Variants in SLC8A1 observed in about 807,000 individuals in gnomAD.
SLC8A1 encodes the protein sodium/calcium exchanger 1.
Under a neutral mutation model 68.3 loss-of-function variants are expected in SLC8A1, and 18 were observed. The observed-to-expected ratio is 0.26, with a 90% CI of 0.18 to 0.39. SLC8A1 has a LOEUF of 0.39. Ranked by LOEUF, SLC8A1 falls within the 10% of genes least tolerant of loss-of-function variation. SLC8A1 has a pLI of 1.00. For synonymous variants in SLC8A1, 475 were observed against 415.5 expected (o/e 1.14, Z -1.74); for missense variants, 985 against 1,156.7 (o/e 0.85, Z 2.15).
intron 1 of SLC8A1, among the ~76,000 whole-genome samples, chr2:40,471,740 A>T (rs759253867): frequency 1.3e-5 from 2 of 152,224 alleles, no homozygotes; most frequent in African/African-American, 2.4e-5. Context: ...AATTGCAATA[A>T]ATGGAAACAA....
upstream of SLC8A1, among the ~76,000 whole-genome samples, chr2:40,455,723 G>C (rs897147221): frequency 3.3e-5 from 5 of 152,162 alleles, no homozygotes; most frequent in African/African-American, 1.2e-4. Context: ...AGAATTCTTT[G>C]TTGACTTCTA....
intron 2 of SLC8A1, among the ~76,000 whole-genome samples, chr2:40,339,750 G>A (rs1337101477): frequency 6.6e-6 from 1 of 152,182 alleles, no homozygotes; most frequent in Middle Eastern, 3.2e-3. Context: ...GTTGGGCATT[G>A]TGAAATACTT....
chr2:40,484,049 G>T (rs968072890), intron 1 of SLC8A1, among the ~76,000 whole-genome samples: 1 of 152,128 alleles, frequency 6.6e-6, no homozygotes, highest in African/African-American at 2.4e-5. Flanking sequence ...CTGTTAAAAA[G>T]GTTCCAATGC....
chr2:40,423,265 T>G (rs768469383), intron 2 of SLC8A1, among the ~76,000 whole-genome samples: 2 of 152,242 alleles, frequency 1.3e-5, no homozygotes, highest in East Asian at 1.9e-4. Flanking sequence ...TTTTAAATTA[T>G]GCTTTTGTCC....
rs150644264 is a variant in SLC8A1 at position 40,150,683 on chromosome 2, G to A, written c.2161+10082C>T. ...GAATCATTCTAGAGCCCTTCAATAC[G>A]GTGTTTTCCTCAAGATTTTATAATA... On this transcript the variant is annotated intron_variant, in intron 6 of 7. Coordinates refer to ENST00000406785, the Ensembl canonical transcript of SLC8A1. Among the ~76,000 whole-genome samples the A allele has an allele frequency of 3.0e-4, 45 of 152,218 alleles. 1 individual carries two copies. Among genetic ancestry groups the A allele is most frequent in the Non-Finnish European group, 5.1e-4 (35 of 68,024 alleles).
chr2:40,135,586 T>C (rs2006287), intron 7 of SLC8A1, among the ~76,000 whole-genome samples: 59,447 of 151,842 alleles, frequency 0.39, 11,891 homozygotes, highest in East Asian at 0.61. Context: ...GGCATGGTGG[T>C]ATGTGCCTGT....
chr2:40,437,976 T>A (rs1317754261), intron 1 of SLC8A1, among the ~76,000 whole-genome samples: 1 of 152,080 alleles, frequency 6.6e-6, no homozygotes, highest in African/African-American at 2.4e-5. Flanking sequence ...GAGAAGAGAC[T>A]TTCCTGGCAT....
chr2:40,292,908 G>A (rs1282094789), intron 2 of SLC8A1, among the ~76,000 whole-genome samples: 4 of 152,106 alleles, frequency 2.6e-5, no homozygotes, highest in Admixed American at 2.0e-4. Flanking sequence ...TAGAGAATAC[G>A]CATTTGGAAA....
rs77484844 is a variant in SLC8A1 at position 40,224,838 on chromosome 2, T to C, written c.1809-46983A>G. Among the ~76,000 whole-genome samples, 39 of 152,198 alleles carry C rather than the reference T, an allele frequency of 2.6e-4. No individual in the cohort carries two copies. In the East Asian group the frequency reaches 5.0e-3, roughly 20 times the overall value. On this transcript the variant is annotated intron_variant, in intron 2 of 7. Coordinates refer to ENST00000406785, the Ensembl canonical transcript of SLC8A1. ...AATCTACAAACAACTTAAACAAATT[T>C]ACAAGGAAAAAACAACCCCATCAAA...
intron 2 of SLC8A1, among the ~76,000 whole-genome samples, chr2:40,206,895 T>C (rs2055558841): frequency 6.6e-6 from 1 of 152,068 alleles, no homozygotes; most frequent in African/African-American, 2.4e-5. Flanking sequence ...TTGTAAATGA[T>C]CATAATGGCA....
At chr2:40,122,204 G>GCA (rs1235493658) in intron 7 of SLC8A1, among the ~76,000 whole-genome samples, 4 of 109,974 alleles carry the variant, frequency 3.6e-5, no homozygotes, top group Admixed American at 1.0e-4. Flanking sequence ...GCATGCGCGC[G>GCA]CGCACACACA....
At chr2:40,402,422 T>G (rs1689030997) in intron 2 of SLC8A1, among the ~76,000 whole-genome samples, 1 of 152,224 alleles carries the variant, frequency 6.6e-6, no homozygotes, top group African/African-American at 2.4e-5. Flanking sequence ...CAGCCCATGC[T>G]GCTGCTCTGA....
intron 2 of SLC8A1, among the ~76,000 whole-genome samples, chr2:40,249,129 AT>A (rs1462051122): frequency 6.6e-6 from 1 of 152,218 alleles, no homozygotes; most frequent in African/African-American, 2.4e-5. Context: ...AAGTTCATTG[AT>A]TAAGCTAAGA....
exon 2 of SLC8A1, chr2:40,428,562 T>A: frequency 2.5e-6 from 4 of 1,613,882 alleles, no homozygotes; most frequent in Non-Finnish European, 3.4e-6. Context: ...TGGTTTTATA[T>A]GGAACGATAA....
intron 6 of SLC8A1, among the ~76,000 whole-genome samples, chr2:40,160,434 A>G (rs991951064): frequency 3.9e-5 from 6 of 152,026 alleles, no homozygotes. Flanking sequence ...TGACTTGGCC[A>G]CCTTTGTGCT....
At chr2:40,367,601 T>G (rs561003777) in intron 2 of SLC8A1, among the ~76,000 whole-genome samples, 10 of 151,978 alleles carry the variant, frequency 6.6e-5, no homozygotes, top group African/African-American at 2.2e-4. Flanking sequence ...CAAACGTACA[T>G]GTGTCATCAG....
In SLC8A1 at chr2:40,366,951, C is replaced by T. The variant is rs962700647; in HGVS notation, c.1808+61522G>A. ...AGGATTTCATCTTTAGTTTTAGGTT[C>T]GGTATATTAAAAGCAAGCATCTTAA... is the stretch of plus-strand genomic sequence containing the variant. On this transcript the variant is annotated intron_variant, in intron 2 of 7. Coordinates refer to ENST00000406785, the Ensembl canonical transcript of SLC8A1. 5.9e-5 allele frequency among the ~76,000 whole-genome samples: 9 copies of T among 152,022 alleles called. No individual in the cohort carries two copies. In the South Asian group the frequency reaches 1.7e-3, roughly 28 times the overall value.
chr2:40,119,568 C>A (rs2036309739), intron 7 of SLC8A1, among the ~76,000 whole-genome samples: 1 of 152,156 alleles, frequency 6.6e-6, no homozygotes, highest in African/African-American at 2.4e-5. Context: ...CAGGCAAATG[C>A]CATATCCTAA....
At chr2:40,237,920 G>T (rs2060625736) in intron 2 of SLC8A1, among the ~76,000 whole-genome samples, 1 of 124,612 alleles carries the variant, frequency 8.0e-6, no homozygotes, top group African/African-American at 3.0e-5. Flanking sequence ...GCTGCTCGGG[G>T]GTCAGGGGTC....
Sources: allele counts gnomAD v4.1 joint callset (sites outside exome capture counted in the v4.1 genomes callset), GRCh38; gene constraint gnomAD v4.1.1; transcripts MANE v1.5; gene names NCBI Gene and HGNC (gene_info 2026-07-23, HGNC 2026-07-21).